Variants in ABCD2 observed in about 807,000 individuals in gnomAD.
The protein encoded by ABCD2 is ATP binding cassette subfamily D member 2.
ABCD2 carries 36 observed loss-of-function variants against 70.9 expected under a neutral mutation model. That is an observed-to-expected ratio of 0.51 (90% CI 0.39 to 0.67). The LOEUF (loss-of-function observed/expected upper bound fraction) is 0.67. Ranked by LOEUF, ABCD2 falls within the 30% of genes least tolerant of loss-of-function variation. The pLI, the probability that ABCD2 is intolerant of heterozygous loss-of-function variation, is 0.00. For synonymous variants in ABCD2, 304 were observed against 306.9 expected (o/e 0.99, Z 0.10); for missense variants, 729 against 890.2 (o/e 0.82, Z 2.30).
intron 5 of ABCD2, among the ~76,000 whole-genome samples, chr12:39,602,879 C>A (rs968557077): frequency 5.3e-5 from 8 of 152,048 alleles, no homozygotes; most frequent in African/African-American, 1.7e-4. Context: ...TCTATAAAAT[C>A]ATAAATTATA....
At chr12:39,549,835 A>G (rs967106802), downstream of ABCD2, among the ~76,000 whole-genome samples, 3 of 151,858 alleles carry the variant, frequency 2.0e-5, no homozygotes, top group African/African-American at 7.2e-5. Flanking sequence ...ATGAGGTTGG[A>G]TTAATTACTT....
chr12:39,608,706 A>T (rs1942005525), intron 2 of ABCD2, among the ~76,000 whole-genome samples: 1 of 152,030 alleles, frequency 6.6e-6, no homozygotes, highest in Non-Finnish European at 1.5e-5. Context: ...TAAAATAAAT[A>T]AAATAAAATA....
rs142946787 is a variant in ABCD2 at position 39,610,987 on chromosome 12, G to A, written c.1121-3273C>T. Among the ~76,000 whole-genome samples, 487 of 152,162 alleles carry A rather than the reference G, an allele frequency of 3.2e-3. 6 individuals are homozygous for A. The highest frequency in any genetic ancestry group is 0.011 in the African/African-American group (477 of 41,506). ...TCAATACATTCTTTTTGTCCTCACT[G>A]AATATTTTAGCTATTTTGTCAAAAG... On this transcript the variant is annotated intron_variant, in intron 2 of 9. Transcript: ENST00000308666.
At chr12:39,540,773 T>C in the ABCD2 span, among the ~76,000 whole-genome samples, 6 of 152,216 alleles carry the variant, frequency 3.9e-5, no homozygotes, top group African/African-American at 1.4e-4. Flanking sequence ...AATGTTTAAA[T>C]TGCCTAAACA....
downstream of ABCD2, among the ~76,000 whole-genome samples, chr12:39,546,438 C>T (rs1300245243): frequency 6.6e-6 from 1 of 151,994 alleles, no homozygotes; most frequent in Non-Finnish European, 1.5e-5. Context: ...AGATTCCTAC[C>T]CCACAGAGCT....
the ABCD2 span, among the ~76,000 whole-genome samples, chr12:39,541,743 A>G: frequency 1.3e-5 from 2 of 152,354 alleles, no homozygotes; most frequent in East Asian, 3.9e-4. Flanking sequence ...CTAAACTAGA[A>G]CCAGACCAAA....
intron 9 of ABCD2, among the ~76,000 whole-genome samples, chr12:39,564,805 T>C (rs1457170203): frequency 6.6e-6 from 1 of 152,202 alleles, no homozygotes; most frequent in Non-Finnish European, 1.5e-5. Context: ...TTAATTTTTG[T>C]ATAAGGTGTA....
intron 9 of ABCD2, among the ~76,000 whole-genome samples, chr12:39,556,859 C>T (rs567086231): frequency 6.6e-6 from 1 of 152,120 alleles, no homozygotes; most frequent in South Asian, 2.1e-4. Flanking sequence ...AGGCGGGTGC[C>T]TGTAATCCCA....
At chr12:39,613,107 C>CCTCAGGTAACTATTTTCTTCA (rs1269919507) in intron 2 of ABCD2, among the ~76,000 whole-genome samples, 1 of 138,078 alleles carries the variant, frequency 7.2e-6, no homozygotes, top group African/African-American at 3.2e-5. Flanking sequence ...AGGTTGTGGG[C>CCTCAGGTAACTATTTTCTTCA]CGGGCGCGGT....
the ABCD2 span, among the ~76,000 whole-genome samples, chr12:39,541,262 T>C: frequency 6.6e-6 from 1 of 152,108 alleles, no homozygotes; most frequent in Non-Finnish European, 1.5e-5. Context: ...ATAAATGATA[T>C]AAAGAAGACA....
At chr12:39,608,993 A>G (rs1942010099) in intron 2 of ABCD2, among the ~76,000 whole-genome samples, 1 of 152,156 alleles carries the variant, frequency 6.6e-6, no homozygotes, top group Admixed American at 6.5e-5. Context: ...TTCTTGCTTA[A>G]CTTTTTCTCC....
At chr12:39,616,868 G>A (rs971378062) in intron 2 of ABCD2, 120 bp downstream of exon 2, 32 of 861,632 alleles carry the variant, frequency 3.7e-5, no homozygotes, top group African/African-American at 8.8e-5. Flanking sequence ...CCATTGTTTC[G>A]GACCATTGTT....
At chr12:39,586,074 AC>A in intron 7 of ABCD2, 77 bp downstream of exon 7, 1 of 1,330,024 alleles carries the variant, frequency 7.5e-7, no homozygotes, top group Non-Finnish European at 1.0e-6. Context: ...TTCAAATTAA[AC>A]CACAGACTAA....
At chr12:39,591,681 C>T (rs1941747852) in intron 6 of ABCD2, among the ~76,000 whole-genome samples, 1 of 152,076 alleles carries the variant, frequency 6.6e-6, no homozygotes, top group African/African-American at 2.4e-5. Flanking sequence ...CACTGAACTC[C>T]AGCCTGGGCA....
Position 39,600,599 on chromosome 12 carries a change from G to A in ABCD2, c.1618C>T (p.Pro540Ser). ...TGTGGAATATAAAACATATGTTGAG[G>A]AGGTGGTTTATAGAGGACTCCTTCA... Reference protein sequence around the residue: ...VYEGVLYKPPPQHMFYIPQRP... With the variant: ...VYEGVLYKPPSQHMFYIPQRP... Residue 540 changes from proline (P) to serine (S), a missense_variant, in exon 6 of 10, where the codon CCT (proline) becomes TCT (serine). Around this residue, in one of 3 missense-constraint regions of ABCD2, gnomAD observed 289 missense variants for 328.8 expected, o/e 0.88. Coordinates refer to ENST00000308666, the MANE Select transcript of ABCD2 (RefSeq NM_005164.4). 1 of 1,606,160 alleles carries A rather than the reference G, an allele frequency of 6.2e-7. No homozygotes were observed. The highest frequency in any genetic ancestry group is 8.5e-7 in the Non-Finnish European group (1 of 1,176,968).
chr12:39,605,426 G>C (rs1468745093), intron 3 of ABCD2, among the ~76,000 whole-genome samples: 1 of 152,108 alleles, frequency 6.6e-6, no homozygotes, highest in East Asian at 1.9e-4. Context: ...CCAATATTGA[G>C]AGCAAGCTCA....
intron 2 of ABCD2, among the ~76,000 whole-genome samples, chr12:39,614,815 A>G (rs1235727342): frequency 6.6e-6 from 1 of 152,140 alleles, no homozygotes; most frequent in East Asian, 1.9e-4. Flanking sequence ...CAAACATTAC[A>G]GGCACAGATA....
At position 39,563,394 on chromosome 12, in the gene ABCD2, AAC is replaced by A. The variant is rs529985896; in HGVS notation, c.2004-9265_2004-9264del. On this transcript the variant is annotated intron_variant, in intron 9 of 9. Transcript: ENST00000308666. ...GTGACAGAGTGAGACCCTGACTCTA[AAC>A]AAACAAACAAACAAAAATAACATGT... Among the ~76,000 whole-genome samples the A allele has an allele frequency of 3.3e-3, 495 of 152,102 alleles. 3 individuals are homozygous for A. The highest frequency in any genetic ancestry group is 8.1e-3 in the South Asian group (39 of 4,822).
intron 7 of ABCD2, among the ~76,000 whole-genome samples, chr12:39,583,251 T>C (rs1185758323): frequency 6.6e-6 from 1 of 152,174 alleles, no homozygotes; most frequent in African/African-American, 2.4e-5. Context: ...AAGGTAGATA[T>C]TTATCCTCAT....
Sources: gnomAD v4.1 joint callset for allele counts (sites outside exome capture counted in the v4.1 genomes callset) on GRCh38, gnomAD v4.1.1 for gene constraint, gnomAD v4.1.1 regional missense constraint, MANE v1.5 for transcripts, NCBI Gene and HGNC (gene_info 2026-07-23, HGNC 2026-07-21) for gene names.